The following NEDD4 variants were observed in gnomAD, a reference collection of about 807,000 sequenced individuals.
The protein encoded by NEDD4 is E3 ubiquitin-protein ligase NEDD4.
In NEDD4, 99 loss-of-function variants were observed where a neutral mutation model predicts 144.9. The ratio of observed to expected loss-of-function variants is 0.68; its 90% CI spans 0.58 to 0.81. The LOEUF is 0.81. Ranked by LOEUF, NEDD4 falls within the 30% of genes least tolerant of loss-of-function variation. The pLI, the probability that NEDD4 is intolerant of heterozygous loss-of-function variation, is 0.00. For synonymous variants in NEDD4, 318 were observed against 350.6 expected, an observed-to-expected ratio of 0.91 and a Z score of 1.04; for missense variants, 985 against 1,065.9, an observed-to-expected ratio of 0.92 and a Z score of 1.06.
intron 5 of NEDD4, among the ~76,000 whole-genome samples, chr15:55,889,220 A>G (rs2035487089): frequency 1.3e-5 from 2 of 152,238 alleles, no homozygotes; most frequent in African/African-American, 2.4e-5. Flanking sequence ...ACTACTAGGT[A>G]TATGCCCAAA....
intron 2 of NEDD4, among the ~76,000 whole-genome samples, chr15:55,957,244 T>C (rs1402071797): frequency 1.3e-5 from 2 of 152,210 alleles, no homozygotes; most frequent in Non-Finnish European, 2.9e-5. Context: ...TGTCTGCAAA[T>C]AAAGACAGTT....
rs749133184 is a variant in NEDD4, at chr15:55,873,951, T to C, written c.342+7A>G. On this transcript the variant is annotated splice_region_variant and intron_variant, in intron 6 of 28. Transcript: ENST00000435532. The stretch of plus-strand genomic sequence containing the variant: ...CCAAAAGGAAAATCATGGACACCTA[T>C]ACCAACCGGTAATGGATAAAGTGGA... 17 of 1,528,800 alleles carry C rather than the reference T, an allele frequency of 1.1e-5. No individual in the cohort carries two copies. Among genetic ancestry groups the C allele is most frequent in the African/African-American group, 1.4e-5 (1 of 72,704 alleles). The allele number at this position is 1,528,800 out of a possible 1,614,324, so 94.7% of individuals were successfully genotyped here.
chr15:55,937,456 C>A, intron 4 of NEDD4, among the ~76,000 whole-genome samples: 1 of 152,046 alleles, frequency 6.6e-6, no homozygotes, highest in African/African-American at 2.4e-5. Flanking sequence ...TAGCATTGAT[C>A]CACACAAATT....
intron 11 of NEDD4, among the ~76,000 whole-genome samples, chr15:55,859,509 C>CA (rs2034320393): frequency 1.3e-5 from 2 of 152,258 alleles, no homozygotes; most frequent in South Asian, 4.1e-4. Flanking sequence ...GCCTGGCCAA[C>CA]AGGGTGAAAC....
chr15:55,844,429 C>G (rs909430059), intron 18 of NEDD4, among the ~76,000 whole-genome samples: 1 of 151,996 alleles, frequency 6.6e-6, no homozygotes, highest in Non-Finnish European at 1.5e-5. Context: ...TGAGAGAAGA[C>G]AGAGGGACCT....
rs576197836 is a variant in NEDD4 at position 55,872,937 on chromosome 15, T to C, written c.343-461A>G. Among the ~76,000 whole-genome samples the C allele has an allele frequency of 1.3e-3, 198 of 152,040 alleles. 1 individual carries two copies. The highest frequency in any genetic ancestry group is 4.7e-3 in the African/African-American group (195 of 41,480). On this transcript the variant is annotated intron_variant, in intron 6 of 28. Transcript: ENST00000435532. ...CTGTTTAAAAAAAAAAAAAAAAGATTATGCTCTGGAAAGACTGTGGAGAGC... is the reference window on the plus strand; with the variant it reads ...CTGTTTAAAAAAAAAAAAAAAAGATCATGCTCTGGAAAGACTGTGGAGAGC...
Position 55,827,641 on chromosome 15 carries a change from T to G in NEDD4, c.*2256A>C, listed in dbSNP as rs1238708320. 6.6e-6 allele frequency: 1 copy of G among 152,222 alleles called. No individual in the cohort carries two copies. The highest frequency in any genetic ancestry group is 1.5e-5 in the Non-Finnish European group (1 of 68,038). The allele number at this position is 152,222 out of a possible 1,614,324, so 9.4% of individuals were successfully genotyped here. On this transcript the variant is annotated 3_prime_UTR_variant, in exon 29 of 29. Transcript: ENST00000435532. ...TAATGAGGACATTTCCAAAATGCAT[T>G]GGCCCACATTACTATTACTTTGCTG...
chr15:55,979,074 T>G (rs1027985544), intron 1 of NEDD4, among the ~76,000 whole-genome samples: 10 of 151,682 alleles, frequency 6.6e-5, no homozygotes, highest in African/African-American at 2.4e-4. Flanking sequence ...TAAAAATATA[T>G]ATATATACCC....
chr15:55,849,724 T>A (rs2033901855), intron 14 of NEDD4, among the ~76,000 whole-genome samples: 1 of 150,486 alleles, frequency 6.6e-6, no homozygotes, highest in African/African-American at 2.4e-5. Flanking sequence ...AAGTTTAGTA[T>A]TATTTAAGCT....
At chr15:55,850,307 TA>T (rs1387716118) in intron 14 of NEDD4, among the ~76,000 whole-genome samples, 1 of 152,160 alleles carries the variant, frequency 6.6e-6, no homozygotes, top group Non-Finnish European at 1.5e-5. Flanking sequence ...GCTAGTGAGC[TA>T]AAAACTGGAA....
intron 5 of NEDD4, among the ~76,000 whole-genome samples, chr15:55,921,190 G>T (rs1422045184): frequency 6.6e-6 from 1 of 152,102 alleles, no homozygotes; most frequent in Non-Finnish European, 1.5e-5. Flanking sequence ...AAATATTGTT[G>T]TCCTCATTTT....
chr15:55,897,791 T>C (rs1179401299), intron 5 of NEDD4, among the ~76,000 whole-genome samples: 1 of 152,200 alleles, frequency 6.6e-6, no homozygotes, highest in Non-Finnish European at 1.5e-5. Flanking sequence ...TTGTGTTTGC[T>C]TCAAGTTGTG....
At chr15:55,904,948 C>T (rs763321294) in intron 5 of NEDD4, among the ~76,000 whole-genome samples, 19 of 151,748 alleles carry the variant, frequency 1.3e-4, no homozygotes, top group Non-Finnish European at 2.6e-4. Context: ...CAAAATTAGC[C>T]GGGTACGGTG....
chr15:55,900,388 A>C (rs9989344), intron 5 of NEDD4, among the ~76,000 whole-genome samples: 4,075 of 152,282 alleles, frequency 0.027, 67 homozygotes, highest in Middle Eastern at 0.044. Context: ...TATAATTGTT[A>C]TTTTGTATCT....
intron 2 of NEDD4, among the ~76,000 whole-genome samples, chr15:55,965,775 C>T (rs891376121): frequency 2.0e-5 from 3 of 152,052 alleles, no homozygotes. Flanking sequence ...AATCTTGGCT[C>T]GCTGCAACCT....
chr15:55,985,642 G>T (rs1197329634), intron 1 of NEDD4, among the ~76,000 whole-genome samples: 1 of 152,036 alleles, frequency 6.6e-6, no homozygotes. Flanking sequence ...TCAGGTATTA[G>T]GTTTGAATTG....
At chr15:55,989,932 T>C (rs1454447324) in intron 1 of NEDD4, among the ~76,000 whole-genome samples, 2 of 152,130 alleles carry the variant, frequency 1.3e-5, no homozygotes, top group African/African-American at 4.8e-5. Context: ...TCCGGAGCTC[T>C]GCTGCCTGTC....
intron 4 of NEDD4, 43 bp from the exon 5 acceptor site, chr15:55,924,742 AC>A: frequency 1.3e-6 from 2 of 1,540,412 alleles, no homozygotes; most frequent in East Asian, 4.6e-5. Flanking sequence ...GTAAACATCA[AC>A]CCACAGATAC....
intron 18 of NEDD4, among the ~76,000 whole-genome samples, chr15:55,843,079 GCT>G (rs1277873663): frequency 6.6e-6 from 1 of 152,176 alleles, no homozygotes; most frequent in Non-Finnish European, 1.5e-5. Flanking sequence ...CTATGCACAA[GCT>G]CTCTCTTTGC....
Sources: allele counts gnomAD v4.1 joint callset (sites outside exome capture counted in the v4.1 genomes callset), GRCh38; gene constraint gnomAD v4.1.1; transcripts MANE v1.5; gene names NCBI Gene and HGNC (gene_info 2026-07-23, HGNC 2026-07-21).